Variants in OR10J1 observed in about 807,000 individuals in gnomAD.
OR10J1 encodes olfactory receptor 10J1.
For missense variants in OR10J1, 474 were observed against 376.6 expected (o/e 1.26, Z -2.14); for synonymous variants, 202 against 143.8 (o/e 1.40, Z -2.89).
the OR10J1 span, among the ~76,000 whole-genome samples, chr1:159,403,753 C>A: frequency 1.3e-5 from 2 of 152,124 alleles, no homozygotes; most frequent in Admixed American, 1.3e-4. Context: ...ATCCAGCAAT[C>A]CAACTGCTGG....
chr1:159,404,788 A>G, the OR10J1 span, among the ~76,000 whole-genome samples: 12 of 152,170 alleles, frequency 7.9e-5, no homozygotes, highest in Non-Finnish European at 1.5e-4. Context: ...GATAAATTCT[A>G]TCTATATGTG....
At chr1:159,403,873 G>T in the OR10J1 span, among the ~76,000 whole-genome samples, 1 of 152,048 alleles carries the variant, frequency 6.6e-6, no homozygotes, top group African/African-American at 2.4e-5. Flanking sequence ...AGTGTCCATC[G>T]ATAGATGAAT....
the OR10J1 span, among the ~76,000 whole-genome samples, chr1:159,411,865 G>C: frequency 6.6e-6 from 1 of 151,884 alleles, no homozygotes; most frequent in Non-Finnish European, 1.5e-5. Flanking sequence ...GGAAATAAAG[G>C]GTATTCAATT....
At chr1:159,405,975 C>A in the OR10J1 span, 2 of 458,296 alleles carry the variant, frequency 4.4e-6, no homozygotes, top group East Asian at 4.5e-5. Context: ...CTATGAATAC[C>A]GTAAGGGGTT....
chr1:159,428,255 T>C, the OR10J1 span, among the ~76,000 whole-genome samples: 5 of 152,294 alleles, frequency 3.3e-5, no homozygotes, highest in Middle Eastern at 6.8e-3. Flanking sequence ...GTGCAGATGA[T>C]GTAGTCGTCA....
At chr1:159,425,133 A>G in the OR10J1 span, among the ~76,000 whole-genome samples, 3 of 152,174 alleles carry the variant, frequency 2.0e-5, no homozygotes, top group African/African-American at 7.2e-5. Context: ...AAAATACAAC[A>G]TATGTGGATA....
At chr1:159,409,036 G>A in the OR10J1 span, among the ~76,000 whole-genome samples, 9 of 152,046 alleles carry the variant, frequency 5.9e-5, no homozygotes, top group African/African-American at 2.2e-4. Context: ...TGATGAATTT[G>A]ATATGTCCGT....
the OR10J1 span, among the ~76,000 whole-genome samples, chr1:159,400,017 G>T: frequency 6.6e-6 from 1 of 151,562 alleles, no homozygotes; most frequent in African/African-American, 2.4e-5. Context: ...CAAAAAATAT[G>T]CAATAGATAC....
Position 159,439,869 on chromosome 1 carries a change from C to A in OR10J1, c.78C>A (p.Thr26=). 1.2e-6 allele frequency: 2 copies of A among 1,614,150 alleles called. No individual in the cohort carries two copies. The highest frequency in any genetic ancestry group is 2.2e-5 in the East Asian group (1 of 44,884). ...CTAGCTTCCATGAGCAGCAGATCAC[C>A]CTTTTTGGCGTGTTCCTTGCACTAT... is the stretch of plus-strand genomic sequence containing the variant. The part of the protein sequence containing the change: ...GFSSFHEQQI[T]LFGVFLALYI... Residue 26 remains threonine (T), a synonymous_variant, in exon 1 of 1, where the codon ACC becomes ACA. Coordinates refer to ENST00000423932, the MANE Select transcript of OR10J1 (RefSeq NM_012351.3).
upstream of OR10J1, among the ~76,000 whole-genome samples, chr1:159,439,149 T>C (rs991104251): frequency 7.9e-5 from 12 of 152,174 alleles, no homozygotes; most frequent in Non-Finnish European, 5.9e-5. Flanking sequence ...TCCTTTTTCT[T>C]CTTGAAGACA....
chr1:159,400,456 G>A, the OR10J1 span, among the ~76,000 whole-genome samples: 1 of 151,200 alleles, frequency 6.6e-6, no homozygotes, highest in African/African-American at 2.4e-5. Context: ...ATTTCAAGAT[G>A]AAAACTATAA....
chr1:159,436,630 C>CA (rs548579919), upstream of OR10J1, among the ~76,000 whole-genome samples: 305 of 149,856 alleles, frequency 2.0e-3, 1 homozygote, highest in African/African-American at 7.2e-3. Context: ...GGAAAATCAC[C>CA]AGAAAGACCG....
chr1:159,413,269 T>A, the OR10J1 span, among the ~76,000 whole-genome samples: 88 of 152,028 alleles, frequency 5.8e-4, 1 homozygote, highest in South Asian at 2.9e-3. Context: ...ACCATTGTGG[T>A]AGTCAGTGTG....
upstream of OR10J1, among the ~76,000 whole-genome samples, chr1:159,434,883 C>G (rs745448055): frequency 8.9e-4 from 135 of 152,266 alleles, 1 homozygote; most frequent in Admixed American, 3.2e-3. Context: ...AACATCAAGT[C>G]ACTCTTGATA....
At chr1:159,412,770 G>C in the OR10J1 span, among the ~76,000 whole-genome samples, 6 of 151,726 alleles carry the variant, frequency 4.0e-5, no homozygotes, top group Admixed American at 2.6e-4. Flanking sequence ...TCAGGACATA[G>C]GGATGGGCAA....
At chr1:159,407,178 C>T in the OR10J1 span, among the ~76,000 whole-genome samples, 5 of 152,050 alleles carry the variant, frequency 3.3e-5, no homozygotes, top group Non-Finnish European at 7.4e-5. Context: ...AAAATTTTTA[C>T]CAAGTGATCT....
At chr1:159,422,979 G>T in the OR10J1 span, among the ~76,000 whole-genome samples, 1 of 152,066 alleles carries the variant, frequency 6.6e-6, no homozygotes, top group Admixed American at 6.6e-5. Flanking sequence ...GTTCTCAAAT[G>T]AGCTATTCAA....
chr1:159,432,924 C>T, upstream of OR10J1: 1 of 429,824 alleles, frequency 2.3e-6, no homozygotes, highest in Non-Finnish European at 4.2e-6. Context: ...GCCTTTGCTA[C>T]TTGTGCCTCA....
chr1:159,434,926 T>C (rs1277950327), upstream of OR10J1, among the ~76,000 whole-genome samples: 1 of 152,168 alleles, frequency 6.6e-6, no homozygotes, highest in Non-Finnish European at 1.5e-5. Flanking sequence ...ACAATAGGAT[T>C]CTCATTTGTT....
Sources: allele counts gnomAD v4.1 joint callset (sites outside exome capture counted in the v4.1 genomes callset), GRCh38; gene constraint gnomAD v4.1.1; transcripts MANE v1.5; gene names NCBI Gene and HGNC (gene_info 2026-07-23, HGNC 2026-07-21).